Variants in DIP2C observed in about 807,000 individuals in gnomAD.
DIP2C encodes disco-interacting protein 2 homolog C.
DIP2C carries 33 observed loss-of-function variants against 192.4 expected under a neutral mutation model. The observed-to-expected ratio is 0.17, with a 90% CI of 0.13 to 0.23. DIP2C has a LOEUF of 0.23. Ranked by LOEUF, DIP2C falls within the 10% of genes least tolerant of loss-of-function variation. The probability of loss-of-function intolerance (pLI) is 1.00; values close to 1 mark genes in which losing one functional copy is unlikely to be tolerated. For synonymous variants in DIP2C, 979 were observed against 864.1 expected (o/e 1.13, Z -2.33); for missense variants, 1,537 against 2,110.1 (o/e 0.73, Z 5.32).
At chr10:312,666 G>A (rs1324322734) in intron 31 of DIP2C, among the ~76,000 whole-genome samples, 1 of 152,172 alleles carries the variant, frequency 6.6e-6, no homozygotes, top group Non-Finnish European at 1.5e-5. Context: ...TACTTCTCTA[G>A]GGTAATTATG....
intron 14 of DIP2C, among the ~76,000 whole-genome samples, chr10:385,944 T>G (rs1175631328): frequency 6.6e-6 from 1 of 152,290 alleles, no homozygotes; most frequent in South Asian, 2.1e-4. Context: ...TCTCAAAAGA[T>G]GCTGCTGCCT....
At chr10:548,831 T>C (rs1435171524) in intron 1 of DIP2C, among the ~76,000 whole-genome samples, 3 of 145,880 alleles carry the variant, frequency 2.1e-5, no homozygotes, top group Non-Finnish European at 4.4e-5. Flanking sequence ...AGAACCATTG[T>C]GTATGTTTAA....
chr10:615,117 C>T (rs532437565), intron 1 of DIP2C, among the ~76,000 whole-genome samples: 3 of 152,328 alleles, frequency 2.0e-5, no homozygotes, highest in East Asian at 1.9e-4. Flanking sequence ...AAGCAATTCC[C>T]GTGATTCCCA....
chr10:345,634 C>T (rs78357433), intron 26 of DIP2C, among the ~76,000 whole-genome samples: 8 of 111,144 alleles, frequency 7.2e-5, no homozygotes, highest in African/African-American at 2.0e-4. Context: ...ACACATCGCG[C>T]ATAGTTCTCC....
chr10:381,044 TTCA>T (rs1962327353), intron 17 of DIP2C, among the ~76,000 whole-genome samples: 1 of 152,160 alleles, frequency 6.6e-6, no homozygotes, highest in Admixed American at 6.5e-5. Flanking sequence ...GAGTGCTGCT[TTCA>T]TCAAATTTAT....
At chr10:483,237 G>A (rs1843738175) in intron 2 of DIP2C, among the ~76,000 whole-genome samples, 1 of 152,210 alleles carries the variant, frequency 6.6e-6, no homozygotes, top group African/African-American at 2.4e-5. Flanking sequence ...AAAAAGGGTG[G>A]AAGTTAATCA....
Position 689,249 on chromosome 10 carries a change from A to G in DIP2C, c.85+245T>C, listed in dbSNP as rs1002218217. On this transcript the variant is annotated intron_variant, in intron 1 of 36. Coordinates refer to ENST00000280886, the MANE Select transcript of DIP2C (RefSeq NM_014974.3). This position sits in a 1 kb window ranked among gnomAD's most constrained non-coding sequence, Gnocchi z 6.1. ...CGCGAGGGGATCCCAGGCCCCACAG[A>G]CACCCCCAGGGCGCGGGGAATCGCG... 3.3e-5 allele frequency among the ~76,000 whole-genome samples: 5 copies of G among 150,338 alleles called. No homozygotes were observed. The highest frequency in any genetic ancestry group is 1.2e-4 in the African/African-American group (5 of 40,674).
intron 1 of DIP2C, among the ~76,000 whole-genome samples, chr10:517,622 C>T (rs1381727735): frequency 1.3e-5 from 2 of 152,180 alleles, no homozygotes; most frequent in Non-Finnish European, 2.9e-5. Flanking sequence ...GGACGCCTTC[C>T]AAGTGAATTT....
chr10:457,793 C>T (rs1969421947), intron 3 of DIP2C, among the ~76,000 whole-genome samples: 1 of 152,174 alleles, frequency 6.6e-6, no homozygotes, highest in South Asian at 2.1e-4. Flanking sequence ...TGTCTTCAAG[C>T]TCTCCTCCAC....
intron 1 of DIP2C, among the ~76,000 whole-genome samples, chr10:539,514 GTATCCATAGGCAGTCC>G (rs1847864609): frequency 6.6e-6 from 1 of 152,168 alleles, no homozygotes; most frequent in Non-Finnish European, 1.5e-5. Context: ...ACAGACCTTG[GTATCCATAGGCAGTCC>G]TGCAACCCAC....
intron 1 of DIP2C, among the ~76,000 whole-genome samples, chr10:522,807 G>GT (rs1200023548): frequency 3.3e-5 from 5 of 152,168 alleles, no homozygotes; most frequent in Admixed American, 1.3e-4. Flanking sequence ...TTGTAGATAC[G>GT]TTCTCCCCGT....
intron 1 of DIP2C, among the ~76,000 whole-genome samples, chr10:595,203 T>C (rs1053766205): frequency 1.1e-4 from 17 of 152,022 alleles, no homozygotes; most frequent in African/African-American, 3.6e-4. Context: ...ACAAAGAAAA[T>C]ACTGTACAGC....
chr10:373,433 A>C (rs1961220644), intron 17 of DIP2C, among the ~76,000 whole-genome samples: 1 of 152,218 alleles, frequency 6.6e-6, no homozygotes, highest in Non-Finnish European at 1.5e-5. Flanking sequence ...TTTTTAAAAG[A>C]AAAGCAGAAT....
At position 600,537 on chromosome 10, in the gene DIP2C, C is replaced by A. The variant is rs540620156; in HGVS notation, c.85+88957G>T. Among the ~76,000 whole-genome samples the A allele has an allele frequency of 8.8e-4, 134 of 151,868 alleles. 1 individual carries two copies. The Middle Eastern group carries it at 0.024, about 27-fold the overall frequency. The stretch of plus-strand genomic sequence containing the variant: ...GAGCGACCCCACAAGCCCTGTCCAC[C>A]TTAAAGAGGACGGCCCAGGGTGTGC... On this transcript the variant is annotated intron_variant, in intron 1 of 36. Transcript: ENST00000280886.
chr10:486,062 G>GT (rs1488646278), intron 2 of DIP2C, among the ~76,000 whole-genome samples: 1 of 152,220 alleles, frequency 6.6e-6, no homozygotes, highest in Non-Finnish European at 1.5e-5. Flanking sequence ...CCTGGGCGGG[G>GT]TATCACAGCA....
rs1386640421 is a variant in DIP2C, at chr10:502,812, AAG to A, written c.86-16284_86-16283del. ...GAAGAAAACCACAAAACACTGAAGAAAGAAAGGAAAGAGCTACCTCAACTGAG... is the reference window on the plus strand; with the variant it reads ...GAAGAAAACCACAAAACACTGAAGAAAAAGGAAAGAGCTACCTCAACTGAG... On this transcript the variant is annotated intron_variant, in intron 1 of 36. Coordinates refer to ENST00000280886, the MANE Select transcript of DIP2C (RefSeq NM_014974.3). 3.3e-5 allele frequency among the ~76,000 whole-genome samples: 5 copies of A among 152,236 alleles called. No homozygotes were observed. In the East Asian group the frequency reaches 7.7e-4, roughly 24 times the overall value.
At chr10:469,176 C>T (rs1458291581) in intron 3 of DIP2C, among the ~76,000 whole-genome samples, 5 of 151,936 alleles carry the variant, frequency 3.3e-5, no homozygotes, top group Admixed American at 6.6e-5. Context: ...GGTGCAGAAT[C>T]GGAGACTATC....
Position 525,641 on chromosome 10 carries a change from T to TGAGGACAGGGA in DIP2C, c.86-39122_86-39112dup, listed in dbSNP as rs1221163788. ...GAAAATGAACCTCCTGCTTGCCCAC[T>TGAGGACAGGGA]GAGGACAGGGAGAGAACAGGGTAGG... On this transcript the variant is annotated intron_variant, in intron 1 of 36. Transcript: ENST00000280886. Among the ~76,000 whole-genome samples the TGAGGACAGGGA allele has an allele frequency of 4.6e-5, 7 of 152,290 alleles. 1 individual carries two copies. The highest frequency in any genetic ancestry group is 4.4e-5 in the Non-Finnish European group (3 of 68,016).
At chr10:476,652 TC>T (rs1319349561) in intron 2 of DIP2C, among the ~76,000 whole-genome samples, 1 of 152,130 alleles carries the variant, frequency 6.6e-6, no homozygotes, top group Non-Finnish European at 1.5e-5. Flanking sequence ...GGGGCCCCTC[TC>T]CCAGGCCCCT....
Sources: gnomAD v4.1 joint callset for allele counts (sites outside exome capture counted in the v4.1 genomes callset) on GRCh38, gnomAD v4.1.1 for gene constraint, Gnocchi (gnomAD v3.1) non-coding constraint, MANE v1.5 for transcripts, NCBI Gene and HGNC (gene_info 2026-07-23, HGNC 2026-07-21) for gene names.